ERBB4: variants seen among roughly 807,000 people sequenced by gnomAD.
The protein encoded by ERBB4 is receptor tyrosine-protein kinase erbB-4.
Under a neutral mutation model 158.0 loss-of-function variants are expected in ERBB4, and 42 were observed. That is an observed-to-expected ratio of 0.27 (90% CI 0.21 to 0.34). The LOEUF (loss-of-function observed/expected upper bound fraction) is 0.34, where lower values mean the gene tolerates loss of function less well. ERBB4 is among the 10% of genes least tolerant of loss of function. The probability of loss-of-function intolerance (pLI) is 1.00; values close to 1 mark genes in which losing one functional copy is unlikely to be tolerated. For missense variants in ERBB4, 1,333 were observed against 1,624.1 expected, an observed-to-expected ratio of 0.82 and a Z score of 3.08; for synonymous variants, 583 against 558.7, an observed-to-expected ratio of 1.04 and a Z score of -0.61.
intron 1 of ERBB4, among the ~76,000 whole-genome samples, chr2:212,484,115 T>C (rs999369712): frequency 6.6e-6 from 1 of 152,190 alleles, no homozygotes; most frequent in African/African-American, 2.4e-5. Context: ...ATACATATGC[T>C]GTATTTCAAT....
intron 22 of ERBB4, among the ~76,000 whole-genome samples, chr2:211,426,842 T>C (rs1345912165): frequency 6.6e-6 from 1 of 151,448 alleles, no homozygotes; most frequent in Non-Finnish European, 1.5e-5. Context: ...TAATATATAT[T>C]CTATAAACCT....
chr2:212,248,082 C>T (rs1449474883), intron 1 of ERBB4, among the ~76,000 whole-genome samples: 2 of 152,094 alleles, frequency 1.3e-5, no homozygotes, highest in Non-Finnish European at 2.9e-5. Context: ...TTATAGTATA[C>T]ACTTCTGCAT....
chr2:212,251,842 G>C (rs1463706871), intron 1 of ERBB4, among the ~76,000 whole-genome samples: 2 of 151,958 alleles, frequency 1.3e-5, no homozygotes, highest in African/African-American at 4.8e-5. Context: ...GGAAGCCATG[G>C]GAAGTTAACC....
At chr2:211,811,382 C>T (rs139220320) in intron 3 of ERBB4, among the ~76,000 whole-genome samples, 10,028 of 152,206 alleles carry the variant, frequency 0.066, 417 homozygotes, top group Non-Finnish European at 0.089. Context: ...CCGAGAGATC[C>T]GCTGCTAGGC....
intron 1 of ERBB4, among the ~76,000 whole-genome samples, chr2:212,491,680 G>A (rs546108587): frequency 1.3e-5 from 2 of 151,634 alleles, no homozygotes; most frequent in Non-Finnish European, 3.0e-5. Flanking sequence ...TTATAGTCTA[G>A]TAAGTTATTT....
At chr2:211,399,410 C>A (rs980996672) in intron 25 of ERBB4, among the ~76,000 whole-genome samples, 3 of 152,162 alleles carry the variant, frequency 2.0e-5, no homozygotes, top group Non-Finnish European at 2.9e-5. Flanking sequence ...GATGAAAAAT[C>A]TCAGTGACTC....
In ERBB4 at chr2:211,885,389, T is replaced by C. The variant is rs182091535; in HGVS notation, c.421+62041A>G. Among the ~76,000 whole-genome samples, 44 of 152,002 alleles carry C rather than the reference T, an allele frequency of 2.9e-4. No individual in the cohort carries two copies. The East Asian group carries it at 5.6e-3, about 19-fold the overall frequency. On this transcript the variant is annotated intron_variant, in intron 3 of 27. Coordinates refer to ENST00000342788, the MANE Select transcript of ERBB4 (RefSeq NM_005235.3). ...AATATATTTTGAAATTGTAACCTAT[T>C]AAAGAAAGAATAAAGAAAAAGAATA...
At chr2:211,937,432 T>A (rs750965018) in intron 3 of ERBB4, among the ~76,000 whole-genome samples, 15 of 152,274 alleles carry the variant, frequency 9.9e-5, no homozygotes, top group Non-Finnish European at 2.2e-4. Context: ...TTATCTTCTA[T>A]TAACACTTAC....
intron 1 of ERBB4, among the ~76,000 whole-genome samples, chr2:212,357,510 T>C (rs570102942): frequency 6.6e-6 from 1 of 151,832 alleles, no homozygotes; most frequent in South Asian, 2.1e-4. Flanking sequence ...AAATATACAA[T>C]AAAAATAAGC....
At chr2:212,058,352 A>T (rs910983365) in intron 2 of ERBB4, among the ~76,000 whole-genome samples, 1 of 152,202 alleles carries the variant, frequency 6.6e-6, no homozygotes, top group Admixed American at 6.5e-5. Flanking sequence ...GCTGAATTCT[A>T]CCTGAGGTAC....
At chr2:212,480,165 T>C (rs1486154531) in intron 1 of ERBB4, among the ~76,000 whole-genome samples, 3 of 152,118 alleles carry the variant, frequency 2.0e-5, no homozygotes, top group African/African-American at 7.2e-5. Context: ...TAACAATTTA[T>C]AAAAAATATT....
At chr2:211,822,756 G>A (rs1372874059) in intron 3 of ERBB4, among the ~76,000 whole-genome samples, 3 of 152,078 alleles carry the variant, frequency 2.0e-5, no homozygotes, top group African/African-American at 7.2e-5. Flanking sequence ...CAATATAACT[G>A]TGGTAAATCG....
chr2:211,626,635 A>G (rs1181013355), intron 17 of ERBB4, among the ~76,000 whole-genome samples: 2 of 152,164 alleles, frequency 1.3e-5, no homozygotes, highest in Non-Finnish European at 2.9e-5. Flanking sequence ...TTATAAAACC[A>G]GTAAGTGGGC....
chr2:212,198,004 G>T (rs1487809714), intron 1 of ERBB4, among the ~76,000 whole-genome samples: 1 of 152,086 alleles, frequency 6.6e-6, no homozygotes, highest in African/African-American at 2.4e-5. Context: ...CACTTCATAT[G>T]GGGATTCTTT....
In ERBB4 at chr2:211,380,382, A is replaced by G. The variant is rs201405484; in HGVS notation, c.*3233T>C. 0.015 allele frequency: 2,702 copies of G among 185,498 alleles called. 59 individuals are homozygous for G. Among genetic ancestry groups the G allele is most frequent in the African/African-American group, 0.062 (2,506 of 40,340 alleles). The allele number at this position is 185,498 out of a possible 1,614,324, so 11.5% of individuals were successfully genotyped here. ...TTCCATACCTGCCCAAAATAGGTAT[A>G]ATCTACAAAGTTGGGTGATTTAAAA... On this transcript the variant is annotated 3_prime_UTR_variant, in exon 28 of 28. Transcript: ENST00000342788.
At chr2:212,399,534 T>TTTTA (rs2091129912) in intron 1 of ERBB4, among the ~76,000 whole-genome samples, 3 of 123,160 alleles carry the variant, frequency 2.4e-5, no homozygotes, top group African/African-American at 9.2e-5. Flanking sequence ...CTGATATATA[T>TTTTA]TTTATATATA....
chr2:212,371,468 T>C (rs1304887657), intron 1 of ERBB4, among the ~76,000 whole-genome samples: 1 of 152,226 alleles, frequency 6.6e-6, no homozygotes, highest in Non-Finnish European at 1.5e-5. Flanking sequence ...CTGGTTTCTT[T>C]CTTTCTCATT....
chr2:212,411,658 A>C (rs1381220458), intron 1 of ERBB4, among the ~76,000 whole-genome samples: 1 of 151,862 alleles, frequency 6.6e-6, no homozygotes, highest in Non-Finnish European at 1.5e-5. Context: ...TCAGAACTAA[A>C]CACTTGTTTA....
intron 1 of ERBB4, among the ~76,000 whole-genome samples, chr2:212,296,260 G>A (rs569123196): frequency 2.6e-5 from 4 of 151,984 alleles, no homozygotes; most frequent in South Asian, 2.1e-4. Context: ...TGTAGAGTCC[G>A]TGCAGCTTTC....
Sources: allele counts gnomAD v4.1 joint callset (sites outside exome capture counted in the v4.1 genomes callset), GRCh38; gene constraint gnomAD v4.1.1; transcripts MANE v1.5; gene names NCBI Gene and HGNC (gene_info 2026-07-23, HGNC 2026-07-21).